Variants in PCGF6 observed in about 807,000 individuals in gnomAD.
PCGF6 encodes polycomb group ring finger 6.
PCGF6 carries 24 observed loss-of-function variants against 45.5 expected under a neutral mutation model. The ratio of observed to expected loss-of-function variants is 0.53; its 90% CI spans 0.38 to 0.74. The LOEUF is 0.74. Among genes scored for constraint, PCGF6 ranks in the 30% least tolerant of loss-of-function variants. The pLI is 0.00. For missense variants in PCGF6, 356 were observed against 443.2 expected (o/e 0.80, Z 1.77); for synonymous variants, 152 against 162.1 (o/e 0.94, Z 0.47).
intron 9 of PCGF6, among the ~76,000 whole-genome samples, chr10:103,309,023 A>G (rs895681826): frequency 6.6e-6 from 1 of 152,132 alleles, no homozygotes; most frequent in Non-Finnish European, 1.5e-5. Flanking sequence ...CCCCCATTGT[A>G]TCTTGGAAGT....
rs141479146 is a variant in PCGF6 at position 103,308,660 on chromosome 10, C to G, written c.997-4699G>C. ...GCTGAGGCAGAAAGATTGCCTGAGC[C>G]CAGGGGTTTGAGACCAGCCGGGGCA... On this transcript the variant is annotated intron_variant, in intron 9 of 9. Transcript: ENST00000369847. Among the ~76,000 whole-genome samples, 799 of 151,984 alleles carry G rather than the reference C, an allele frequency of 5.3e-3. 4 individuals carry two copies. Among genetic ancestry groups the G allele is most frequent in the African/African-American group, 0.018 (764 of 41,454 alleles).
At chr10:103,346,285 A>G (rs2093299163) in intron 5 of PCGF6, among the ~76,000 whole-genome samples, 1 of 151,994 alleles carries the variant, frequency 6.6e-6, no homozygotes, top group African/African-American at 2.4e-5. Flanking sequence ...TGAGGTCAGG[A>G]GTTCAAGACC....
At chr10:103,321,308 A>G (rs1161862686) in intron 8 of PCGF6, among the ~76,000 whole-genome samples, 1 of 152,164 alleles carries the variant, frequency 6.6e-6, no homozygotes, top group African/African-American at 2.4e-5. Context: ...ATTTTATTTC[A>G]AAATGCTAAA....
Position 103,303,078 on chromosome 10 carries a change from G to T in PCGF6, c.*827C>A, listed in dbSNP as rs1489155868. 3.3e-5 allele frequency: 5 copies of T among 152,554 alleles called. No homozygotes were observed. The highest frequency in any genetic ancestry group is 7.3e-5 in the Non-Finnish European group (5 of 68,028). 9.5% of individuals were successfully genotyped at this position (152,554 alleles called of 1,614,324 possible). A position where few individuals can be genotyped will look rare whatever the true frequency, so the allele number is the denominator to read the frequency against. On this transcript the variant is annotated 3_prime_UTR_variant, in exon 10 of 10. Coordinates refer to ENST00000369847, the MANE Select transcript of PCGF6 (RefSeq NM_001011663.2). Reference sequence around the variant, plus strand: ...TAATGAGAAAAATAAACATTAAACTGACTTACTAAGAAAACAATGAATAAG... The same window carrying T: ...TAATGAGAAAAATAAACATTAAACTTACTTACTAAGAAAACAATGAATAAG...
chr10:103,322,158 A>G (rs140574602), intron 8 of PCGF6, among the ~76,000 whole-genome samples: 132 of 152,212 alleles, frequency 8.7e-4, no homozygotes, highest in Non-Finnish European at 1.6e-3. Flanking sequence ...GGCCTCTGAA[A>G]GTGCTGGGAT....
intron 6 of PCGF6, among the ~76,000 whole-genome samples, chr10:103,335,676 GA>G (rs1005202557): frequency 1.3e-5 from 2 of 149,964 alleles, no homozygotes; most frequent in Non-Finnish European, 3.0e-5. Context: ...CTCTTTGTAA[GA>G]AAAAAATAGG....
chr10:103,314,560 G>A (rs968991661), intron 8 of PCGF6, among the ~76,000 whole-genome samples: 2 of 152,164 alleles, frequency 1.3e-5, no homozygotes, highest in Non-Finnish European at 2.9e-5. Flanking sequence ...CTTTAATTAA[G>A]AAATTCATTT....
At chr10:103,336,955 G>A (rs1243209596) in intron 6 of PCGF6, among the ~76,000 whole-genome samples, 3 of 152,084 alleles carry the variant, frequency 2.0e-5, no homozygotes, top group Non-Finnish European at 4.4e-5. Flanking sequence ...TCATAGTTTT[G>A]CCTTCTGGTA....
At chr10:103,316,071 T>C (rs2093175473) in intron 8 of PCGF6, among the ~76,000 whole-genome samples, 1 of 150,288 alleles carries the variant, frequency 6.7e-6, no homozygotes, top group South Asian at 2.1e-4. Context: ...CTCCATCTCC[T>C]AACATTACTA....
chr10:103,348,960 A>T lies in PCGF6; in HGVS notation c.400T>A (p.Cys134Ser). The T allele has an allele frequency of 6.2e-7, 1 of 1,614,044 alleles. No individual in the cohort carries two copies. The highest frequency in any genetic ancestry group is 8.5e-7 in the Non-Finnish European group (1 of 1,179,890). The change falls in exon 2 of 10, where the codon TGT (cysteine) becomes AGT (serine). Residue 134 changes from cysteine to serine, a missense_variant. Cys to Ser is a moderately radical substitution (Grantham distance 112). This residue lies in a region of PCGF6 where 307 missense variants were observed against 350.1 expected (regional missense o/e 0.88). Coordinates refer to ENST00000369847, the MANE Select transcript of PCGF6 (RefSeq NM_001011663.2). ...NLSELTPYIL[C>S]SICKGYLIDA... ...ATTAAGTAACCTTTGCAAATGGAACACAAGATGTATGGGGTCAGCTCAGAG... is the reference window on the plus strand; with the variant it reads ...ATTAAGTAACCTTTGCAAATGGAACTCAAGATGTATGGGGTCAGCTCAGAG...
chr10:103,310,355 A>C (rs1264384800), intron 9 of PCGF6, among the ~76,000 whole-genome samples: 1 of 152,150 alleles, frequency 6.6e-6, no homozygotes, highest in Admixed American at 6.6e-5. Context: ...AGAAGAATTA[A>C]CTGGGAAGGA....
chr10:103,341,014 G>A (rs1008060129), intron 6 of PCGF6, among the ~76,000 whole-genome samples: 1 of 152,042 alleles, frequency 6.6e-6, no homozygotes, highest in Non-Finnish European at 1.5e-5. Context: ...CGGATCACCT[G>A]AGGTCGGGAG....
At chr10:103,347,338 G>T (rs759518623) in intron 4 of PCGF6, 41 bp from the exon 5 acceptor site, 1 of 1,587,732 alleles carries the variant, frequency 6.3e-7, no homozygotes, top group South Asian at 1.1e-5. Flanking sequence ...CACTTAAAAT[G>T]TAACTACTAG....
intron 9 of PCGF6, among the ~76,000 whole-genome samples, chr10:103,308,406 T>C (rs1245774630): frequency 6.6e-6 from 1 of 151,570 alleles, no homozygotes; most frequent in Non-Finnish European, 1.5e-5. Context: ...TAGAGCTTTT[T>C]TTTTTTTTCT....
At chr10:103,314,045 T>G (rs2093166424) in intron 9 of PCGF6, 141 bp downstream of exon 9, 5 of 382,044 alleles carry the variant, frequency 1.3e-5, no homozygotes, top group Non-Finnish European at 2.3e-5. Context: ...AGCAAGAATT[T>G]GATAAATATT....
intron 9 of PCGF6, among the ~76,000 whole-genome samples, chr10:103,311,458 T>C (rs1564723189): frequency 6.6e-6 from 1 of 151,170 alleles, no homozygotes; most frequent in Non-Finnish European, 1.5e-5. Context: ...TTTTTTTTTT[T>C]TTTTGAGACA....
chr10:103,349,428 T>C (rs1436174793), intron 1 of PCGF6, among the ~76,000 whole-genome samples: 19 of 151,468 alleles, frequency 1.3e-4, no homozygotes, highest in African/African-American at 4.6e-4. Context: ...ATTAAAAGAC[T>C]ACTGAAAGTT....
chr10:103,310,029 G>A (rs1258176861), intron 9 of PCGF6, among the ~76,000 whole-genome samples: 1 of 150,114 alleles, frequency 6.7e-6, no homozygotes, highest in Admixed American at 6.7e-5. Flanking sequence ...TCAGCTCATT[G>A]AAACCTCTGC....
chr10:103,350,999 A>C lies in PCGF6; in HGVS notation c.68T>G (p.Leu23Trp), dbSNP rs767666414. The change falls in exon 1 of 10, where the codon TTG (leucine) becomes TGG (tryptophan). Residue 23 changes from leucine to tryptophan, a missense_variant. Leu to Trp is a moderately conservative substitution (Grantham distance 61). This residue lies in a region of PCGF6 where 307 missense variants were observed against 350.1 expected (regional missense o/e 0.88). Transcript: ENST00000369847. Reference sequence around the variant, plus strand: ...CGGGGAGACAGGAGGCGGAGGCGGCAAGGCTGCAGCTCCCTCGGTTTTGGC... The same window carrying C: ...CGGGGAGACAGGAGGCGGAGGCGGCCAGGCTGCAGCTCCCTCGGTTTTGGC... ...GAAKTEGAAA[L>W]PPPPPVSPPA... 12 of 1,066,940 alleles carry C rather than the reference A, an allele frequency of 1.1e-5. No individual in the cohort carries two copies. The African/African-American group carries it at 1.7e-4, about 15-fold the overall frequency. The allele number at this position is 1,066,940 out of a possible 1,614,324, so 66.1% of individuals were successfully genotyped here.
Sources: gnomAD v4.1 joint callset for allele counts (sites outside exome capture counted in the v4.1 genomes callset) on GRCh38, gnomAD v4.1.1 for gene constraint, gnomAD v4.1.1 regional missense constraint, MANE v1.5 for transcripts, NCBI Gene and HGNC (gene_info 2026-07-23, HGNC 2026-07-21) for gene names.